CDH7: variants seen among roughly 807,000 people sequenced by gnomAD.
CDH7 encodes cadherin-7.
Under a neutral mutation model 71.8 loss-of-function variants are expected in CDH7, and 25 were observed. That is an observed-to-expected ratio of 0.35 (90% confidence interval 0.25 to 0.49). CDH7 has a LOEUF of 0.49. Ranked by LOEUF, CDH7 falls within the 20% of genes least tolerant of loss-of-function variation. The pLI, the probability that CDH7 is intolerant of heterozygous loss-of-function variation, is 0.99. For missense variants in CDH7, 862 were observed against 974.6 expected, an observed-to-expected ratio of 0.88 and a Z score of 1.54; for synonymous variants, 381 against 363.8, an observed-to-expected ratio of 1.05 and a Z score of -0.54.
intron 2 of CDH7, among the ~76,000 whole-genome samples, chr18:65,782,529 T>G (rs1910351223): frequency 6.6e-6 from 1 of 152,088 alleles, no homozygotes; most frequent in Non-Finnish European, 1.5e-5. Flanking sequence ...AATTTTCTTT[T>G]GGATGGGTGA....
rs182741803 is a variant in CDH7 at position 65,887,261 on chromosome 18, A to C, written c.*6367A>C. ...ATGACCAATACTTTAAGAACAATCAAGTTTTTTTATTATTATTATTATACT... is the reference window on the plus strand; with the variant it reads ...ATGACCAATACTTTAAGAACAATCACGTTTTTTTATTATTATTATTATACT... On this transcript the variant is annotated 3_prime_UTR_variant, in exon 12 of 12. Coordinates refer to ENST00000397968, the MANE Select transcript of CDH7 (RefSeq NM_004361.5). 14 of 152,122 alleles carry C rather than the reference A, an allele frequency of 9.2e-5. No individual in the cohort carries two copies. Among genetic ancestry groups the C allele is most frequent in the Admixed American group, 7.9e-4 (12 of 15,264 alleles). The allele number at this position is 152,122 out of a possible 1,614,324, so 9.4% of individuals were successfully genotyped here. A position where few individuals can be genotyped will look rare whatever the true frequency, so the allele number is the denominator to read the frequency against.
In CDH7 at chr18:65,816,741, G is replaced by C. The variant is rs551912432; in HGVS notation, c.625+2137G>C. Among the ~76,000 whole-genome samples, 3 of 152,216 alleles carry C rather than the reference G, an allele frequency of 2.0e-5. No individual in the cohort carries two copies. The South Asian group carries it at 6.2e-4, about 32-fold the overall frequency. ...CTCCTTCCCCCAACCTAGAATGTGA[G>C]TAGTTGCAAAACCCAGTGTTGACAG... On this transcript the variant is annotated intron_variant, in intron 4 of 11. Transcript: ENST00000397968.
chr18:65,843,883 C>A lies in CDH7; in HGVS notation c.1053C>A (p.Arg351=). 1.9e-6 allele frequency: 3 copies of A among 1,587,610 alleles called. No individual in the cohort carries two copies. The highest frequency in any genetic ancestry group is 2.6e-6 in the Non-Finnish European group (3 of 1,163,702). ...CTGCAAATAAAGATGCCGACCCTCGCTTTCTGAGCTTGGGTCCGTTCAGTG... is the reference window on the plus strand; with the variant it reads ...CTGCAAATAAAGATGCCGACCCTCGATTTCTGAGCTTGGGTCCGTTCAGTG... ...IEAANKDADP[R]FLSLGPFSDT... is the part of the protein sequence containing the mutation. Residue 351 remains arginine (R), a synonymous_variant, in exon 7 of 12, where the codon CGC becomes CGA. Coordinates refer to ENST00000397968, the MANE Select transcript of CDH7 (RefSeq NM_004361.5).
intron 2 of CDH7, among the ~76,000 whole-genome samples, chr18:65,799,127 A>G (rs545934739): frequency 6.6e-6 from 1 of 152,100 alleles, no homozygotes; most frequent in Non-Finnish European, 1.5e-5. Flanking sequence ...AAGATGGACA[A>G]GAGAACATCA....
intron 2 of CDH7, among the ~76,000 whole-genome samples, chr18:65,772,573 A>C: frequency 6.6e-6 from 1 of 152,312 alleles, no homozygotes; most frequent in East Asian, 1.9e-4. Context: ...TGATTACCAA[A>C]GAAATAGATG....
At chr18:65,833,461 T>C (rs1912423398) in intron 6 of CDH7, among the ~76,000 whole-genome samples, 1 of 152,224 alleles carries the variant, frequency 6.6e-6, no homozygotes, top group African/African-American at 2.4e-5. Context: ...CTGCTCAGGA[T>C]GCATATTTCT....
chr18:65,869,517 C>G (rs1473378703), intron 11 of CDH7, among the ~76,000 whole-genome samples: 1 of 147,388 alleles, frequency 6.8e-6, no homozygotes, highest in Non-Finnish European at 1.5e-5. Context: ...GCCTGGAATG[C>G]CTCTTCCCAT....
At chr18:65,815,449 G>A (rs139677983) in intron 4 of CDH7, among the ~76,000 whole-genome samples, 9 of 152,260 alleles carry the variant, frequency 5.9e-5, no homozygotes, top group African/African-American at 1.7e-4. Context: ...ATAGTCATCA[G>A]TACCTGTAAT....
intron 2 of CDH7, among the ~76,000 whole-genome samples, chr18:65,793,319 G>T (rs2143862958): frequency 6.6e-6 from 1 of 151,368 alleles, no homozygotes; most frequent in South Asian, 2.1e-4. Context: ...TGTCATTTCA[G>T]CTTCTCCACA....
Position 65,800,706 on chromosome 18 carries a change from A to G in CDH7, c.211-8998A>G, listed in dbSNP as rs369147004. On this transcript the variant is annotated intron_variant, in intron 2 of 11. Coordinates refer to ENST00000397968, the MANE Select transcript of CDH7 (RefSeq NM_004361.5). Reference sequence around the variant, plus strand: ...CTCTTTAAAATTTTTTAAATTATTTAAATAGATGTTTATAGAATATAGGTT... The same window carrying G: ...CTCTTTAAAATTTTTTAAATTATTTGAATAGATGTTTATAGAATATAGGTT... 2.9e-4 allele frequency among the ~76,000 whole-genome samples: 44 copies of G among 152,314 alleles called. No homozygotes were observed. The East Asian group carries it at 5.8e-3, about 20-fold the overall frequency.
At position 65,838,070 on chromosome 18, in the gene CDH7, A is replaced by T. The variant is rs1477653837; in HGVS notation, c.982-5742A>T. Among the ~76,000 whole-genome samples the T allele has an allele frequency of 2.6e-5, 4 of 151,872 alleles. No homozygotes were observed. The South Asian group carries it at 6.2e-4, about 24-fold the overall frequency. ...CTCTCCAGTAGCTGGGATTACAGGCACGTGCCACCATGGCAGGCTAACTTT... is the reference window on the plus strand; with the variant it reads ...CTCTCCAGTAGCTGGGATTACAGGCTCGTGCCACCATGGCAGGCTAACTTT... On this transcript the variant is annotated intron_variant, in intron 6 of 11. Coordinates refer to ENST00000397968, the MANE Select transcript of CDH7 (RefSeq NM_004361.5).
chr18:65,854,356 T>C (rs570351351), intron 7 of CDH7, among the ~76,000 whole-genome samples: 24 of 152,092 alleles, frequency 1.6e-4, no homozygotes, highest in South Asian at 1.0e-3. Flanking sequence ...AATTTAGAAA[T>C]GGTAAATATT....
intron 2 of CDH7, among the ~76,000 whole-genome samples, chr18:65,792,480 C>G (rs1405431111): frequency 2.0e-5 from 3 of 152,080 alleles, no homozygotes; most frequent in Non-Finnish European, 4.4e-5. Flanking sequence ...GCCATTTTAC[C>G]TTACAGTGTT....
chr18:65,840,332 T>A (rs1912683746), intron 6 of CDH7, among the ~76,000 whole-genome samples: 5 of 152,222 alleles, frequency 3.3e-5, no homozygotes, highest in Admixed American at 3.3e-4. Context: ...CCCTATTTGA[T>A]TCCAGACTTG....
intron 11 of CDH7, among the ~76,000 whole-genome samples, chr18:65,870,214 A>G (rs901012483): frequency 1.4e-4 from 22 of 152,198 alleles, no homozygotes; most frequent in African/African-American, 5.1e-4. Flanking sequence ...GATCATACCA[A>G]TTATGAATCT....
chr18:65,840,823 C>T (rs2143982731), intron 6 of CDH7, among the ~76,000 whole-genome samples: 1 of 152,200 alleles, frequency 6.6e-6, no homozygotes, highest in Non-Finnish European at 1.5e-5. Context: ...AATGTACTTC[C>T]AAACATCGAG....
At chr18:65,775,889 T>G (rs1297307701) in intron 2 of CDH7, among the ~76,000 whole-genome samples, 1 of 152,204 alleles carries the variant, frequency 6.6e-6, no homozygotes, top group African/African-American at 2.4e-5. Context: ...AAAAAGGGAC[T>G]GTTATGCCAG....
rs1491098770 is a variant in CDH7 at position 65,781,944 on chromosome 18, CTT to C, written c.210+18894_210+18895del. On this transcript the variant is annotated intron_variant, in intron 2 of 11. Transcript: ENST00000397968. Reference sequence around the variant, plus strand: ...TCTTTCTCTCTCTCTCTCTCTCTCTCTTTCTCTCTTTCTCTCTTTCTCTCTCT... The same window carrying C: ...TCTTTCTCTCTCTCTCTCTCTCTCTCTCTCTCTTTCTCTCTTTCTCTCTCT... Among the ~76,000 whole-genome samples, 3 of 92,386 alleles carry C rather than the reference CTT, an allele frequency of 3.2e-5. 1 individual carries two copies. Among genetic ancestry groups the C allele is most frequent in the African/African-American group, 1.4e-4 (2 of 14,224 alleles). 60.6% of individuals were successfully genotyped at this position (92,386 alleles called of 152,430 possible).
chr18:65,750,266 G>A (rs1050656976), upstream of CDH7: 4 of 151,208 alleles, frequency 2.6e-5, no homozygotes, highest in African/African-American at 9.7e-5. Flanking sequence ...GGCAGTCCGA[G>A]GAGATTGAAA....
Sources: gnomAD v4.1 joint callset for allele counts (sites outside exome capture counted in the v4.1 genomes callset) on GRCh38, gnomAD v4.1.1 for gene constraint, MANE v1.5 for transcripts, NCBI Gene and HGNC (gene_info 2026-07-23, HGNC 2026-07-21) for gene names.